Variants in ROBO1 observed in about 807,000 individuals in gnomAD.
ROBO1 encodes the protein roundabout guidance receptor 1.
Under a neutral mutation model 195.9 loss-of-function variants are expected in ROBO1, and 149 were observed. The observed-to-expected ratio is 0.76, with a 90% confidence interval of 0.67 to 0.87. The LOEUF (loss-of-function observed/expected upper bound fraction) is 0.87. ROBO1 is among the 40% of genes least tolerant of loss of function. The pLI, the probability that ROBO1 is intolerant of heterozygous loss-of-function variation, is 0.00. For synonymous variants in ROBO1, 816 were observed against 733.2 expected (o/e 1.11, Z -1.82); for missense variants, 1,933 against 2,068.3 (o/e 0.93, Z 1.27).
intron 2 of ROBO1, among the ~76,000 whole-genome samples, chr3:79,334,404 A>G (rs966769756): frequency 6.7e-6 from 1 of 148,640 alleles, no homozygotes; most frequent in African/African-American, 2.5e-5. Context: ...CATCTAATAT[A>G]TTATCTGCTT....
At chr3:78,631,403 T>A (rs1705178074) in intron 24 of ROBO1, 98 bp from the exon 25 acceptor site, 1 of 1,292,924 alleles carries the variant, frequency 7.7e-7, no homozygotes, top group African/African-American at 1.5e-5. Context: ...ATTTTATAAT[T>A]CATTTATATA....
intron 2 of ROBO1, among the ~76,000 whole-genome samples, chr3:79,358,340 G>A (rs574410728): frequency 2.2e-4 from 34 of 152,070 alleles, no homozygotes; most frequent in Admixed American, 4.6e-4. Context: ...TTAAGTCATC[G>A]GGGTCCAAAG....
intron 2 of ROBO1, among the ~76,000 whole-genome samples, chr3:79,348,426 C>T (rs539997904): frequency 2.4e-4 from 37 of 152,160 alleles, no homozygotes; most frequent in African/African-American, 7.5e-4. Flanking sequence ...TTTTATCTTA[C>T]GGCTACACGC....
At position 79,403,441 on chromosome 3, in the gene ROBO1, C is replaced by A. The variant is rs1174521902; in HGVS notation, c.88+186383G>T. On this transcript the variant is annotated intron_variant, in intron 2 of 30. Transcript: ENST00000464233. Reference sequence around the variant, plus strand: ...TTTCCTCAGACACACTGTTCTACATCATTATGCTGTCCAAAACTAACTGAG... The same window carrying A: ...TTTCCTCAGACACACTGTTCTACATAATTATGCTGTCCAAAACTAACTGAG... 2.0e-5 allele frequency among the ~76,000 whole-genome samples: 3 copies of A among 152,122 alleles called. No individual in the cohort carries two copies. The East Asian group carries it at 5.8e-4, about 29-fold the overall frequency.
intron 2 of ROBO1, chr3:79,527,707 CAAAAG>C (rs1941489659): frequency 1.4e-5 from 2 of 141,328 alleles, no homozygotes; most frequent in Admixed American, 7.1e-5. Context: ...CTGCCCATGC[CAAAAG>C]AAAACAAAGC....
rs546260664 is a variant in ROBO1, at chr3:79,394,154, GA to G, written c.88+195669del. Among the ~76,000 whole-genome samples, 367 of 149,568 alleles carry G rather than the reference GA, an allele frequency of 2.5e-3. 2 individuals carry two copies. The highest frequency in any genetic ancestry group is 7.6e-3 in the African/African-American group (312 of 40,862). ...AGCATAAAAGAAAAAAAAAGATTTTGAAAAAAAAACTGGCACATAAGAGAAA... is the reference window on the plus strand; with the variant it reads ...AGCATAAAAGAAAAAAAAAGATTTTGAAAAAAAACTGGCACATAAGAGAAA... On this transcript the variant is annotated intron_variant, in intron 2 of 30. Transcript: ENST00000464233.
chr3:78,985,427 T>C (rs2077084929), intron 3 of ROBO1, among the ~76,000 whole-genome samples: 1 of 152,154 alleles, frequency 6.6e-6, no homozygotes, highest in African/African-American at 2.4e-5. Flanking sequence ...CAGTCAACAG[T>C]AGGCTATTAG....
In ROBO1 at chr3:79,724,810, G is replaced by A. The variant is rs542240105; in HGVS notation, c.-51+42942C>T. Among the ~76,000 whole-genome samples, 287 of 152,196 alleles carry A rather than the reference G, an allele frequency of 1.9e-3. 1 individual carries two copies. Among genetic ancestry groups the A allele is most frequent in the African/African-American group, 6.8e-3 (282 of 41,516 alleles). The stretch of plus-strand genomic sequence containing the variant: ...TGTGTTTTAAGCCACAAAGTTTTGG[G>A]GTAATTTGTTACCTATCAATACATA... On this transcript the variant is annotated intron_variant, in intron 1 of 30. Coordinates refer to ENST00000464233, the MANE Select transcript of ROBO1 (RefSeq NM_002941.4).
intron 1 of ROBO1, among the ~76,000 whole-genome samples, chr3:79,631,500 G>C (rs1231312365): frequency 6.6e-6 from 1 of 151,996 alleles, no homozygotes; most frequent in Non-Finnish European, 1.5e-5. Context: ...ATGGATTAAA[G>C]ACTTAATTAT....
chr3:78,657,093 C>G lies in ROBO1; in HGVS notation c.2614+5G>C. ...TTGTCAAACTGGATCTGCACTGACA[C>G]TCACCCAGCTGGATGAACTGAGGCT... On this transcript the variant is annotated splice_donor_5th_base_variant and intron_variant, in intron 18 of 30. Transcript: ENST00000464233. 6.2e-7 allele frequency: 1 copy of G among 1,600,148 alleles called. No individual in the cohort carries two copies. The highest frequency in any genetic ancestry group is 8.5e-7 in the Non-Finnish European group (1 of 1,173,114).
chr3:78,956,009 A>G lies in ROBO1; in HGVS notation c.173-17082T>C, dbSNP rs2041031170. Reference sequence around the variant, plus strand: ...CTTGGCTTTAGCTCTTGCAGATCCTAAGGGCACCCCAGTAAGATACTGAGA... The same window carrying G: ...CTTGGCTTTAGCTCTTGCAGATCCTGAGGGCACCCCAGTAAGATACTGAGA... On this transcript the variant is annotated intron_variant, in intron 3 of 30. Coordinates refer to ENST00000464233, the MANE Select transcript of ROBO1 (RefSeq NM_002941.4). Among the ~76,000 whole-genome samples the G allele has an allele frequency of 2.6e-5, 4 of 152,254 alleles. No individual in the cohort carries two copies. The South Asian group carries it at 8.3e-4, about 32-fold the overall frequency.
intron 3 of ROBO1, among the ~76,000 whole-genome samples, chr3:78,971,733 T>C (rs1160242936): frequency 6.6e-6 from 1 of 151,858 alleles, no homozygotes; most frequent in African/African-American, 2.4e-5. Context: ...TACTGACATC[T>C]TTTAAATATT....
rs188024173 is a variant in ROBO1, at chr3:79,549,337, C to T, written c.88+40487G>A. The stretch of plus-strand genomic sequence containing the variant: ...TACATGTATGTACATATATATGATA[C>T]ACAAACAATAAACATATATAAATGA... On this transcript the variant is annotated intron_variant, in intron 2 of 30. Coordinates refer to ENST00000464233, the MANE Select transcript of ROBO1 (RefSeq NM_002941.4). 9.6e-3 allele frequency among the ~76,000 whole-genome samples: 1,454 copies of T among 152,100 alleles called. 11 individuals are homozygous for T. The highest frequency in any genetic ancestry group is 0.014 in the Non-Finnish European group (945 of 67,998).
At chr3:79,185,623 TC>T (rs1472317986) in intron 2 of ROBO1, among the ~76,000 whole-genome samples, 1 of 152,176 alleles carries the variant, frequency 6.6e-6, no homozygotes, top group African/African-American at 2.4e-5. Context: ...CTTGTTTAAA[TC>T]CTGTTAGATC....
chr3:78,777,276 A>G (rs1220993561), intron 4 of ROBO1, among the ~76,000 whole-genome samples: 1 of 152,244 alleles, frequency 6.6e-6, no homozygotes, highest in East Asian at 1.9e-4. Context: ...ACTCACAAAC[A>G]TTAACTTCTG....
chr3:79,625,720 C>A (rs1381802490), intron 1 of ROBO1, among the ~76,000 whole-genome samples: 1 of 151,944 alleles, frequency 6.6e-6, no homozygotes, highest in Non-Finnish European at 1.5e-5. Context: ...TAATTAAAAG[C>A]CTACCAACCA....
chr3:79,322,108 C>T (rs2109132884), intron 2 of ROBO1, among the ~76,000 whole-genome samples: 1 of 152,274 alleles, frequency 6.6e-6, no homozygotes, highest in South Asian at 2.1e-4. Flanking sequence ...CTAATAGCTG[C>T]TGTGGCTTTG....
intron 1 of ROBO1, among the ~76,000 whole-genome samples, chr3:79,607,252 C>G (rs1944518126): frequency 6.6e-6 from 1 of 151,120 alleles, no homozygotes; most frequent in Admixed American, 6.6e-5. Flanking sequence ...AAAATTTCTT[C>G]AACTTTTATC....
chr3:79,383,817 A>G, intron 2 of ROBO1, among the ~76,000 whole-genome samples: 1 of 152,042 alleles, frequency 6.6e-6, no homozygotes, highest in East Asian at 1.9e-4. Flanking sequence ...ATGTCTGGGC[A>G]GGTCAGATAC....
Sources: gnomAD v4.1 joint callset for allele counts (sites outside exome capture counted in the v4.1 genomes callset) on GRCh38, gnomAD v4.1.1 for gene constraint, MANE v1.5 for transcripts, NCBI Gene and HGNC (gene_info 2026-07-23, HGNC 2026-07-21) for gene names.